Variants in MSI2 observed in about 807,000 individuals in gnomAD.
The protein encoded by MSI2 is RNA-binding protein Musashi homolog 2.
A neutral mutation model predicts 45.6 loss-of-function variants in MSI2; 17 were observed. The ratio of observed to expected loss-of-function variants is 0.37; its 90% CI spans 0.26 to 0.56. The LOEUF (loss-of-function observed/expected upper bound fraction) is 0.56. Among genes scored for constraint, MSI2 ranks in the 20% least tolerant of loss-of-function variants. MSI2 has a pLI of 0.77. For missense variants in MSI2, 293 were observed against 444.2 expected (o/e 0.66, Z 3.06); for synonymous variants, 156 against 158.2 (o/e 0.99, Z 0.11).
At chr17:57,272,347 C>T (rs867085566) in intron 5 of MSI2, among the ~76,000 whole-genome samples, 7 of 152,134 alleles carry the variant, frequency 4.6e-5, no homozygotes, top group Non-Finnish European at 1.0e-4. Context: ...CCTGGCTGGG[C>T]GGCGTGTCAG....
At chr17:57,452,502 A>G (rs1421150173) in intron 6 of MSI2, among the ~76,000 whole-genome samples, 1 of 152,162 alleles carries the variant, frequency 6.6e-6, no homozygotes, top group Non-Finnish European at 1.5e-5. Context: ...TGGACTCGTG[A>G]GGGGCAGCCG....
rs1417068448 is a variant in MSI2, at chr17:57,485,586, G to T, written c.406-44090G>T. Among the ~76,000 whole-genome samples, 3 of 152,264 alleles carry T rather than the reference G, an allele frequency of 2.0e-5. No homozygotes were observed. The South Asian group carries it at 6.2e-4, about 32-fold the overall frequency. On this transcript the variant is annotated intron_variant, in intron 6 of 13. Transcript: ENST00000284073. ...GAAAGGGCCCGTGATTCAACAGTTG[G>T]GGAAATGTGGGTTCAACGGGCTCCC... is the stretch of plus-strand genomic sequence containing the variant.
At chr17:57,678,014 C>T (rs917719553) in intron 13 of MSI2, among the ~76,000 whole-genome samples, 4 of 152,198 alleles carry the variant, frequency 2.6e-5, no homozygotes, top group Admixed American at 2.6e-4. Flanking sequence ...GAATGGATTC[C>T]ACTCGGAAAA....
chr17:57,485,101 C>A (rs188236407), intron 6 of MSI2, among the ~76,000 whole-genome samples: 1 of 152,328 alleles, frequency 6.6e-6, no homozygotes, highest in East Asian at 1.9e-4. Flanking sequence ...TGAGTGTTTC[C>A]AGTTCAAATG....
At chr17:57,608,968 G>A (rs1342262831) in intron 8 of MSI2, among the ~76,000 whole-genome samples, 51 of 152,194 alleles carry the variant, frequency 3.4e-4, no homozygotes, top group Non-Finnish European at 7.3e-5. Context: ...GCCACTGGAT[G>A]GCAAAGGAGG....
intron 6 of MSI2, among the ~76,000 whole-genome samples, chr17:57,459,131 A>AT (rs1385389915): frequency 6.6e-6 from 1 of 152,112 alleles, no homozygotes; most frequent in African/African-American, 2.4e-5. Flanking sequence ...TAGGGTGTTT[A>AT]TGTGGCACAA....
chr17:57,574,828 C>CTTTTTT (rs34704876), intron 7 of MSI2, among the ~76,000 whole-genome samples: 1 of 128,394 alleles, frequency 7.8e-6, no homozygotes, highest in African/African-American at 2.9e-5. Context: ...CTCTCTCTCT[C>CTTTTTT]TTTTTTTTTT....
At chr17:57,306,902 A>G (rs1012144370) in intron 5 of MSI2, among the ~76,000 whole-genome samples, 5 of 152,220 alleles carry the variant, frequency 3.3e-5, no homozygotes, top group Non-Finnish European at 7.3e-5. Context: ...GAGGATACCC[A>G]TATCATATTC....
chr17:57,549,736 A>G (rs1463540461), intron 7 of MSI2, among the ~76,000 whole-genome samples: 1 of 152,202 alleles, frequency 6.6e-6, no homozygotes, highest in Admixed American at 6.5e-5. Flanking sequence ...GGAGGTGGAG[A>G]TTGGGATTTG....
chr17:57,543,700 C>T (rs1318246077), intron 7 of MSI2, among the ~76,000 whole-genome samples: 4 of 152,150 alleles, frequency 2.6e-5, no homozygotes, highest in African/African-American at 9.7e-5. Context: ...AATGAGGAGA[C>T]GTCGTTTGAA....
intron 9 of MSI2, among the ~76,000 whole-genome samples, chr17:57,622,252 G>A (rs1050427757): frequency 1.3e-5 from 2 of 152,082 alleles, no homozygotes; most frequent in Non-Finnish European, 2.9e-5. Flanking sequence ...CAGACTTTGC[G>A]GCACCGCACC....
the MSI2 span, among the ~76,000 whole-genome samples, chr17:57,700,765 G>T: frequency 1.3e-5 from 2 of 152,134 alleles, no homozygotes; most frequent in Non-Finnish European, 2.9e-5. Flanking sequence ...AGCTGGGCGT[G>T]GTGGCAGCTG....
chr17:57,546,956 G>A (rs2087183034), intron 7 of MSI2, among the ~76,000 whole-genome samples: 2 of 152,226 alleles, frequency 1.3e-5, no homozygotes, highest in Non-Finnish European at 2.9e-5. Context: ...TACATCACAC[G>A]ATTTCAGGTA....
At chr17:57,572,858 T>C (rs1567908333) in intron 7 of MSI2, among the ~76,000 whole-genome samples, 1 of 152,246 alleles carries the variant, frequency 6.6e-6, no homozygotes, top group Non-Finnish European at 1.5e-5. Flanking sequence ...TTGTAAACTC[T>C]ATTTTTAACT....
intron 13 of MSI2, among the ~76,000 whole-genome samples, chr17:57,679,316 TC>T (rs1238493826): frequency 6.6e-6 from 1 of 152,238 alleles, no homozygotes; most frequent in Non-Finnish European, 1.5e-5. Flanking sequence ...TGAAGCCTTG[TC>T]CTCTCCCCAG....
rs1372145216 is a variant in MSI2 at position 57,683,357 on chromosome 17, G to A, written c.*3840G>A. On this transcript the variant is annotated 3_prime_UTR_variant, in exon 14 of 14. Transcript: ENST00000284073. This position sits in a 1 kb window ranked among gnomAD's most constrained non-coding sequence, Gnocchi z 5.2. Reference sequence around the variant, plus strand: ...GCTTGTTGTTCCTTTTCATTTGGGGGTTTTTGGGGAAAAAATTTATTTTTG... The same window carrying A: ...GCTTGTTGTTCCTTTTCATTTGGGGATTTTTGGGGAAAAAATTTATTTTTG... 2 of 229,880 alleles carry A rather than the reference G, an allele frequency of 8.7e-6. No individual in the cohort carries two copies. Among genetic ancestry groups the A allele is most frequent in the Admixed American group, 5.7e-5 (1 of 17,652 alleles). 14.2% of individuals were successfully genotyped at this position (229,880 alleles called of 1,614,324 possible). A position where few individuals can be genotyped will look rare whatever the true frequency, so the allele number is the denominator to read the frequency against.
the MSI2 span, among the ~76,000 whole-genome samples, chr17:57,694,302 C>T: frequency 6.6e-6 from 1 of 152,138 alleles, no homozygotes; most frequent in African/African-American, 2.4e-5. Context: ...CTAGCATTTT[C>T]TTATTCTTAA....
chr17:57,597,029 C>A, intron 8 of MSI2, 79 bp downstream of exon 8: 2 of 1,086,348 alleles, frequency 1.8e-6, no homozygotes, highest in Non-Finnish European at 2.8e-6. Flanking sequence ...CTGGTCCAGC[C>A]CATCATCAGG....
At chr17:57,462,778 T>A (rs2085255405) in intron 6 of MSI2, among the ~76,000 whole-genome samples, 1 of 152,186 alleles carries the variant, frequency 6.6e-6, no homozygotes, top group Admixed American at 6.5e-5. Flanking sequence ...TATGGGCCAT[T>A]AAGTCTGTAA....
Sources: gnomAD v4.1 joint callset for allele counts (sites outside exome capture counted in the v4.1 genomes callset) on GRCh38, gnomAD v4.1.1 for gene constraint, Gnocchi (gnomAD v3.1) non-coding constraint, MANE v1.5 for transcripts, NCBI Gene and HGNC (gene_info 2026-07-23, HGNC 2026-07-21) for gene names.